The following EYA2 variants were observed in gnomAD, a reference collection of about 807,000 sequenced individuals.
EYA2 encodes protein phosphatase EYA2.
Under a neutral mutation model 69.2 loss-of-function variants are expected in EYA2, and 31 were observed. The ratio of observed to expected loss-of-function variants is 0.45; its 90% confidence interval spans 0.34 to 0.60. The LOEUF (loss-of-function observed/expected upper bound fraction) is 0.60, where lower values mean the gene tolerates loss of function less well. Ranked by LOEUF, EYA2 falls within the 20% of genes least tolerant of loss-of-function variation. The pLI is 0.02. For missense variants in EYA2, 622 were observed against 701.2 expected, an observed-to-expected ratio of 0.89 and a Z score of 1.28; for synonymous variants, 257 against 279.4, an observed-to-expected ratio of 0.92 and a Z score of 0.80.
chr20:47,165,872 A>T (rs111623734), intron 10 of EYA2, among the ~76,000 whole-genome samples: 3,145 of 152,118 alleles, frequency 0.021, 84 homozygotes, highest in East Asian at 0.083. Flanking sequence ...TTGCCTCCCT[A>T]AACATCACCA....
At chr20:47,056,566 A>G (rs1277071753) in intron 5 of EYA2, among the ~76,000 whole-genome samples, 2 of 152,196 alleles carry the variant, frequency 1.3e-5, no homozygotes, top group Admixed American at 6.5e-5. Flanking sequence ...GAACCACCAC[A>G]TAAGCCAGAT....
intron 5 of EYA2, among the ~76,000 whole-genome samples, chr20:47,018,641 C>A (rs1292031450): frequency 6.6e-6 from 1 of 152,158 alleles, no homozygotes; most frequent in Non-Finnish European, 1.5e-5. Flanking sequence ...AAAGGCCCCG[C>A]GGCAGGAAAA....
rs547257989 is a variant in EYA2, at chr20:46,925,454, C to T, written c.-11+30467C>T. Among the ~76,000 whole-genome samples, 19 of 152,174 alleles carry T rather than the reference C, an allele frequency of 1.2e-4. 1 individual carries two copies. The South Asian group carries it at 2.9e-3, about 23-fold the overall frequency. On this transcript the variant is annotated intron_variant, in intron 1 of 15. Coordinates refer to ENST00000327619, the MANE Select transcript of EYA2 (RefSeq NM_005244.5). ...TGACAAAAAAAGAGGCTGGTTTCTC[C>T]GGCATAGGAAAGAGAGTTCCTAGAA...
chr20:46,899,051 G>A (rs540797088), intron 1 of EYA2, among the ~76,000 whole-genome samples: 129 of 152,286 alleles, frequency 8.5e-4, no homozygotes, highest in African/African-American at 3.0e-3. Flanking sequence ...TTTTAAAGTG[G>A]ATTCTTGCCG....
intron 9 of EYA2, among the ~76,000 whole-genome samples, chr20:47,116,167 CTTCTT>C (rs2032885227): frequency 1.6e-5 from 2 of 127,540 alleles, no homozygotes; most frequent in Admixed American, 1.8e-4. Context: ...CATCATCATC[CTTCTT>C]TTTTTTTTTT....
intron 11 of EYA2, among the ~76,000 whole-genome samples, chr20:47,170,337 A>G (rs1363647807): frequency 6.6e-6 from 1 of 152,032 alleles, no homozygotes; most frequent in African/African-American, 2.4e-5. Flanking sequence ...GAATCAGGTA[A>G]CCCATTGCTT....
chr20:46,985,281 T>C (rs1981110069), intron 1 of EYA2, among the ~76,000 whole-genome samples: 2 of 152,182 alleles, frequency 1.3e-5, no homozygotes, highest in Admixed American at 6.5e-5. Context: ...ATGAACAAGA[T>C]TCTGTGTTAA....
intron 1 of EYA2, among the ~76,000 whole-genome samples, chr20:46,948,690 G>GA (rs977097907): frequency 2.6e-5 from 4 of 151,972 alleles, no homozygotes; most frequent in African/African-American, 9.7e-5. Context: ...AGGTTGCCTG[G>GA]AAAAAAACAA....
At chr20:47,177,703 A>C (rs2034451945) in intron 12 of EYA2, among the ~76,000 whole-genome samples, 1 of 152,232 alleles carries the variant, frequency 6.6e-6, no homozygotes, top group South Asian at 2.1e-4. Context: ...AGAGAAGACG[A>C]TGTCTCCATA....
intron 1 of EYA2, among the ~76,000 whole-genome samples, chr20:46,987,964 CTATATATATATATATATATATA>C (rs71183225): frequency 8.9e-5 from 1 of 11,280 alleles, no homozygotes; most frequent in Non-Finnish European, 1.7e-4. Flanking sequence ...CTCTCTCTCT[CTATATATATATATATATATATA>C]TATATATATA....
chr20:46,935,819 T>G (rs1409716603), intron 1 of EYA2, among the ~76,000 whole-genome samples: 1 of 151,696 alleles, frequency 6.6e-6, no homozygotes, highest in African/African-American at 2.4e-5. Flanking sequence ...ATTAATATAA[T>G]ATGTTATAAT....
rs1172440570 is a variant in EYA2 at position 47,001,491 on chromosome 20, G to A, written c.155+18G>A. On this transcript the variant is annotated intron_variant, in intron 3 of 15. Transcript: ENST00000327619. The stretch of plus-strand genomic sequence containing the variant: ...TTCTCCAGGTGAGTGCCATTCACTT[G>A]TCTCCTGCTCACATGCCCACCTTTT... The A allele has an allele frequency of 1.2e-6, 2 of 1,613,682 alleles. No homozygotes were observed. The highest frequency in any genetic ancestry group is 1.7e-6 in the Non-Finnish European group (2 of 1,179,584).
At chr20:47,106,028 T>C (rs2032569557) in intron 9 of EYA2, among the ~76,000 whole-genome samples, 1 of 152,224 alleles carries the variant, frequency 6.6e-6, no homozygotes, top group African/African-American at 2.4e-5. Flanking sequence ...TTATGAGCCT[T>C]GGCAATGGCA....
At chr20:46,931,862 C>A (rs1985684497) in intron 1 of EYA2, among the ~76,000 whole-genome samples, 2 of 152,006 alleles carry the variant, frequency 1.3e-5, no homozygotes, top group Non-Finnish European at 2.9e-5. Context: ...CATTTGCCTT[C>A]TCCACCAATA....
intron 9 of EYA2, among the ~76,000 whole-genome samples, chr20:47,115,067 C>T (rs1468200204): frequency 3.3e-5 from 5 of 152,234 alleles, no homozygotes; most frequent in Non-Finnish European, 7.3e-5. Flanking sequence ...CAAGAATGGA[C>T]TCACAAAGAT....
chr20:46,902,729 C>T (rs1984173296), intron 1 of EYA2, among the ~76,000 whole-genome samples: 1 of 152,174 alleles, frequency 6.6e-6, no homozygotes, highest in Admixed American at 6.5e-5. Flanking sequence ...TTTGAATCTG[C>T]CCTTGTAGAA....
intron 1 of EYA2, among the ~76,000 whole-genome samples, chr20:46,906,642 A>G (rs1189625819): frequency 1.3e-5 from 2 of 152,254 alleles, no homozygotes; most frequent in East Asian, 1.9e-4. Flanking sequence ...TAATTCTACG[A>G]TGAAAGTACT....
intron 1 of EYA2, chr20:46,978,137 G>C (rs1429201665): frequency 6.4e-6 from 1 of 157,432 alleles, no homozygotes; most frequent in East Asian, 1.8e-4. Context: ...GCCTCCCGTT[G>C]GCCCCAGGTG....
intron 10 of EYA2, chr20:47,161,464 T>C (rs1197763337): frequency 2.2e-6 from 1 of 448,090 alleles, no homozygotes; most frequent in African/African-American, 2.0e-5. Context: ...AACTCTTTGA[T>C]GGCCAGGAAG....
Sources: gnomAD v4.1 joint callset for allele counts (sites outside exome capture counted in the v4.1 genomes callset) on GRCh38, gnomAD v4.1.1 for gene constraint, MANE v1.5 for transcripts, NCBI Gene and HGNC (gene_info 2026-07-23, HGNC 2026-07-21) for gene names.